Variants in RBFOX1 observed in about 807,000 individuals in gnomAD.
RBFOX1 encodes the protein RNA binding protein fox-1 homolog 1.
Under a neutral mutation model 57.7 loss-of-function variants are expected in RBFOX1, and 8 were observed. That is an observed-to-expected ratio of 0.14 (90% confidence interval 0.08 to 0.25). The LOEUF is 0.25. Among genes scored for constraint, RBFOX1 ranks in the 10% least tolerant of loss-of-function variants. The probability of loss-of-function intolerance (pLI) is 1.00; values close to 1 mark genes in which losing one functional copy is unlikely to be tolerated. For synonymous variants in RBFOX1, 326 were observed against 222.4 expected (o/e 1.47, Z -4.15); for missense variants, 611 against 548.5 (o/e 1.11, Z -1.14).
intron 2 of RBFOX1, among the ~76,000 whole-genome samples, chr16:5,597,063 A>G (rs752132087): frequency 9.2e-5 from 14 of 152,238 alleles, no homozygotes; most frequent in Non-Finnish European, 1.9e-4. Context: ...TTATAAGTTC[A>G]GAAACGATGT....
chr16:5,475,376 C>G (rs536854978), intron 2 of RBFOX1, among the ~76,000 whole-genome samples: 11 of 152,258 alleles, frequency 7.2e-5, no homozygotes, highest in East Asian at 5.8e-4. Context: ...TGCTGTAACC[C>G]TTGTTTCTCT....
chr16:6,526,426 C>T (rs538033848), intron 2 of RBFOX1, among the ~76,000 whole-genome samples: 12 of 152,110 alleles, frequency 7.9e-5, no homozygotes, highest in African/African-American at 2.7e-4. Context: ...TTATAAGCAC[C>T]AGTCACACTA....
intron 3 of RBFOX1, among the ~76,000 whole-genome samples, chr16:5,674,185 T>A (rs1596692898): frequency 6.6e-6 from 1 of 152,314 alleles, no homozygotes; most frequent in South Asian, 2.1e-4. Context: ...TAAGAAGAAA[T>A]TACAGGTATA....
chr16:6,879,246 G>T (rs929472021), intron 3 of RBFOX1, among the ~76,000 whole-genome samples: 2 of 152,094 alleles, frequency 1.3e-5, no homozygotes, highest in Non-Finnish European at 2.9e-5. Context: ...TATGGAATTG[G>T]CTTTCAGTGA....
intron 3 of RBFOX1, among the ~76,000 whole-genome samples, chr16:5,762,013 G>T (rs1440009144): frequency 6.6e-6 from 1 of 152,140 alleles, no homozygotes; most frequent in Non-Finnish European, 1.5e-5. Flanking sequence ...TCCTTGGGCA[G>T]GTGAACTTCT....
chr16:6,715,207 C>G (rs1043684565), intron 3 of RBFOX1, among the ~76,000 whole-genome samples: 4 of 152,074 alleles, frequency 2.6e-5, no homozygotes, highest in Middle Eastern at 3.2e-3. Context: ...TAAACCTTAT[C>G]AGTCACACAC....
intron 10 of RBFOX1, among the ~76,000 whole-genome samples, chr16:7,616,211 T>C (rs2058418785): frequency 6.6e-6 from 1 of 152,196 alleles, no homozygotes; most frequent in Admixed American, 6.5e-5. Flanking sequence ...AGGATACAGA[T>C]GAAAAATTAG....
chr16:6,611,025 A>G (rs1305070669), intron 2 of RBFOX1, among the ~76,000 whole-genome samples: 2 of 152,330 alleles, frequency 1.3e-5, no homozygotes, highest in East Asian at 1.9e-4. Flanking sequence ...AAATTAGAAG[A>G]AAGTGTATGT....
At chr16:6,966,660 C>A (rs180976886) in intron 3 of RBFOX1, among the ~76,000 whole-genome samples, 1 of 152,224 alleles carries the variant, frequency 6.6e-6, no homozygotes, top group Non-Finnish European at 1.5e-5. Flanking sequence ...TGCTGTTAGG[C>A]ATGAGATAGT....
chr16:5,942,995 C>T (rs550632110), intron 4 of RBFOX1, among the ~76,000 whole-genome samples: 1 of 152,190 alleles, frequency 6.6e-6, no homozygotes, highest in African/African-American at 2.4e-5. Context: ...CAAGCACCCC[C>T]CAAGGGGTCT....
At position 7,692,904 on chromosome 16, in the gene RBFOX1, T is replaced by G. The variant is rs1210044018; in HGVS notation, c.995+16066T>G. 3.3e-5 allele frequency among the ~76,000 whole-genome samples: 5 copies of G among 152,228 alleles called. No individual in the cohort carries two copies. The East Asian group carries it at 7.7e-4, about 24-fold the overall frequency. On this transcript the variant is annotated intron_variant, in intron 14 of 15. Transcript: ENST00000550418. ...ACTTTTTCTTATTTTTTTTTGATAT[T>G]ATAAGTCTAGAATTTTATAATTTTT... is the stretch of plus-strand genomic sequence containing the variant.
intron 1 of RBFOX1, among the ~76,000 whole-genome samples, chr16:6,299,697 C>G (rs2152740179): frequency 1.3e-5 from 2 of 152,276 alleles, no homozygotes; most frequent in Middle Eastern, 3.4e-3. Flanking sequence ...CCTGCCAAAG[C>G]CTAAACTCAG....
At chr16:6,218,841 C>G (rs548551435) in intron 1 of RBFOX1, among the ~76,000 whole-genome samples, 3 of 112,774 alleles carry the variant, frequency 2.7e-5, no homozygotes, top group African/African-American at 9.7e-5. Context: ...CAAATGGAGA[C>G]AATTGAAGCC....
At chr16:5,317,269 C>T (rs8043774) in intron 1 of RBFOX1, among the ~76,000 whole-genome samples, 1 of 152,088 alleles carries the variant, frequency 6.6e-6, no homozygotes, top group East Asian at 1.9e-4. Context: ...CTAGACAACC[C>T]TGACAAAATC....
chr16:6,721,963 C>T (rs140348105), intron 3 of RBFOX1: 1 of 153,632 alleles, frequency 6.5e-6, no homozygotes, highest in African/African-American at 2.4e-5. Flanking sequence ...TGCTCCCTCG[C>T]CCTGTCCTAA....
intron 3 of RBFOX1, among the ~76,000 whole-genome samples, chr16:6,945,085 G>C (rs1447233867): frequency 6.6e-6 from 1 of 152,062 alleles, no homozygotes; most frequent in Non-Finnish European, 1.5e-5. Context: ...ACAGAGCAGG[G>C]GCCAGCTCTG....
At chr16:6,600,954 G>A (rs1056183910) in intron 2 of RBFOX1, among the ~76,000 whole-genome samples, 4 of 152,154 alleles carry the variant, frequency 2.6e-5, no homozygotes, top group African/African-American at 9.7e-5. Flanking sequence ...AAAAGTGTGA[G>A]AAAATATAGC....
At chr16:6,780,564 ATATATATT>A (rs1320344895) in intron 3 of RBFOX1, among the ~76,000 whole-genome samples, 98 of 111,048 alleles carry the variant, frequency 8.8e-4, no homozygotes, top group African/African-American at 4.4e-3. Context: ...TTACATATTT[ATATATATT>A]TATATATATA....
At chr16:5,510,264 G>A (rs1360785063) in intron 2 of RBFOX1, among the ~76,000 whole-genome samples, 1 of 152,194 alleles carries the variant, frequency 6.6e-6, no homozygotes, top group East Asian at 1.9e-4. Flanking sequence ...TATTGTCACA[G>A]GTGCAGCTGT....
Sources: gnomAD v4.1 joint callset for allele counts (sites outside exome capture counted in the v4.1 genomes callset) on GRCh38, gnomAD v4.1.1 for gene constraint, MANE v1.5 for transcripts, NCBI Gene and HGNC (gene_info 2026-07-23, HGNC 2026-07-21) for gene names.